Variants in MDFI observed in about 807,000 individuals in gnomAD.
The protein encoded by MDFI is inhibitor of MyoD family a.
Under a neutral mutation model 22.3 loss-of-function variants are expected in MDFI, and 16 were observed. That is an observed-to-expected ratio of 0.72 (90% CI 0.49 to 1.09). The LOEUF (loss-of-function observed/expected upper bound fraction) is 1.09. Ranked by LOEUF, MDFI falls within the 50% of genes least tolerant of loss-of-function variation. The probability of loss-of-function intolerance (pLI) is 0.00; values close to 1 mark genes in which losing one functional copy is unlikely to be tolerated. For missense variants in MDFI, 314 were observed against 326.1 expected, an observed-to-expected ratio of 0.96 and a Z score of 0.29; for synonymous variants, 145 against 142.7, an observed-to-expected ratio of 1.02 and a Z score of -0.12.
In MDFI at chr6:41,653,804, A is replaced by T. The variant is rs1328835663; in HGVS notation, c.*229A>T. 6.7e-6 allele frequency: 4 copies of T among 596,480 alleles called. No individual in the cohort carries two copies. Among genetic ancestry groups the T allele is most frequent in the Non-Finnish European group, 1.2e-5 (4 of 337,950 alleles). 36.9% of individuals were successfully genotyped at this position (596,480 alleles called of 1,614,324 possible). A position where few individuals can be genotyped will look rare whatever the true frequency, so the allele number is the denominator to read the frequency against. ...GTGGGCCCATGGCAGAGAAGCCTGA[A>T]CTCTTTACTGGGTTACCAGGTTCAT... is the stretch of plus-strand genomic sequence containing the variant. On this transcript the variant is annotated 3_prime_UTR_variant, in exon 5 of 5. Coordinates refer to ENST00000230321, the MANE Select transcript of MDFI (RefSeq NM_005586.4). The surrounding 1 kb of genome is among the most constrained non-coding windows in gnomAD (Gnocchi z 4.2).
upstream of MDFI, among the ~76,000 whole-genome samples, chr6:41,637,891 C>CT (rs1767696646): frequency 6.6e-5 from 10 of 152,300 alleles, no homozygotes; most frequent in African/African-American, 2.2e-4. The surrounding 1 kb of genome is among the most constrained non-coding windows in gnomAD (Gnocchi z 6.8). Context: ...GCTGCTGCGG[C>CT]ACAGGGCAGG....
At chr6:41,650,321 C>T (rs886823797) in intron 4 of MDFI, among the ~76,000 whole-genome samples, 3 of 152,196 alleles carry the variant, frequency 2.0e-5, no homozygotes, top group South Asian at 2.1e-4. Context: ...CCCAACCAGC[C>T]GATGTGCCTA....
At chr6:41,651,619 A>G (rs1768274463) in intron 4 of MDFI, among the ~76,000 whole-genome samples, 1 of 152,188 alleles carries the variant, frequency 6.6e-6, no homozygotes, top group African/African-American at 2.4e-5. Flanking sequence ...ACCTCATTAG[A>G]TTTACGTTTG....
At chr6:41,651,929 G>T (rs1482738106) in intron 4 of MDFI, among the ~76,000 whole-genome samples, 1 of 152,182 alleles carries the variant, frequency 6.6e-6, no homozygotes, top group Non-Finnish European at 1.5e-5. Flanking sequence ...TGTGTCTGGC[G>T]CTGTTCTAGG....
At position 41,653,256 on chromosome 6, in the gene MDFI, T is replaced by G; in HGVS notation, c.485-63T>G. 1.3e-6 allele frequency: 2 copies of G among 1,555,474 alleles called. No homozygotes were observed. The highest frequency in any genetic ancestry group is 1.8e-6 in the Non-Finnish European group (2 of 1,141,954). On this transcript the variant is annotated intron_variant, in intron 4 of 4. Transcript: ENST00000230321. The surrounding 1 kb of genome is among the most constrained non-coding windows in gnomAD (Gnocchi z 4.2). ...TGCCGCAGGCCCCCACACCCCCGGC[T>G]ATTTCACACACGCTCATCCCTCCCC...
In MDFI at chr6:41,638,953, C is replaced by A; in HGVS notation, c.76+128C>A. The A allele has an allele frequency of 9.1e-7, 1 of 1,095,796 alleles. No individual in the cohort carries two copies. The highest frequency in any genetic ancestry group is 1.3e-6 in the Non-Finnish European group (1 of 788,178). The allele number at this position is 1,095,796 out of a possible 1,614,324, so 67.9% of individuals were successfully genotyped here. ...CCAGGGAGCTTGGTGGGGGTAGGGACGAAAAGTCTGGGTTTGAGGACTTGG... is the reference window on the plus strand; with the variant it reads ...CCAGGGAGCTTGGTGGGGGTAGGGAAGAAAAGTCTGGGTTTGAGGACTTGG... On this transcript the variant is annotated intron_variant, in intron 2 of 4. Coordinates refer to ENST00000230321, the MANE Select transcript of MDFI (RefSeq NM_005586.4). The surrounding 1 kb of genome is among the most constrained non-coding windows in gnomAD (Gnocchi z 7.6).
At chr6:41,649,920 G>A (rs2281326) in intron 4 of MDFI, 77 bp downstream of exon 4, 458,023 of 1,258,822 alleles carry the variant, frequency 0.36, 86,792 homozygotes, top group Admixed American at 0.59. Context: ...TGGGCCCACT[G>A]GAGCACCTTC....
intron 2 of MDFI, among the ~76,000 whole-genome samples, chr6:41,645,828 T>G (rs7745666): frequency 0.17 from 25,542 of 152,026 alleles, 2,240 homozygotes; most frequent in Middle Eastern, 0.23. Flanking sequence ...GTGTTGTGTT[T>G]CTGCCTCCTC....
At chr6:41,639,165 G>C in intron 2 of MDFI, 2 of 884,756 alleles carry the variant, frequency 2.3e-6, no homozygotes, top group Non-Finnish European at 2.7e-6. Context: ...TTTCTGCCCA[G>C]TGTGTAAATA....
chr6:41,653,667 C>T lies in MDFI; in HGVS notation c.*92C>T, dbSNP rs1768372639. ...CCAGGCCCAGGACTGTCACACAAGG[C>T]TTGAGAAGCCCCCTCTCCCTGGTCC... On this transcript the variant is annotated 3_prime_UTR_variant, in exon 5 of 5. Transcript: ENST00000230321. This position sits in a 1 kb window ranked among gnomAD's most constrained non-coding sequence, Gnocchi z 4.2. The T allele has an allele frequency of 6.7e-7, 1 of 1,501,304 alleles. No individual in the cohort carries two copies. Among genetic ancestry groups the T allele is most frequent in the Non-Finnish European group, 9.0e-7 (1 of 1,109,648 alleles). The allele number at this position is 1,501,304 out of a possible 1,614,324, so 93.0% of individuals were successfully genotyped here. A position where few individuals can be genotyped will look rare whatever the true frequency, so the allele number is the denominator to read the frequency against.
rs1768351061 is a variant in MDFI at position 41,653,310 on chromosome 6, A to G, written c.485-9A>G. The G allele has an allele frequency of 1.9e-6, 3 of 1,589,844 alleles. No homozygotes were observed. Among genetic ancestry groups the G allele is most frequent in the East Asian group, 2.3e-5 (1 of 43,948 alleles). ...CTCACCCGTCCCCCTCTCCACCGCC[A>G]CCCCGCAGACTGCTGTGTCCACTGC... On this transcript the variant is annotated splice_polypyrimidine_tract_variant and intron_variant, in intron 4 of 4. Transcript: ENST00000230321. This position sits in a 1 kb window ranked among gnomAD's most constrained non-coding sequence, Gnocchi z 4.2.
At chr6:41,645,004 T>C (rs914146021) in intron 2 of MDFI, among the ~76,000 whole-genome samples, 1 of 151,938 alleles carries the variant, frequency 6.6e-6, no homozygotes, top group Non-Finnish European at 1.5e-5. Context: ...ACCCTGCCTC[T>C]CCCTGCGCTC....
chr6:41,638,892 G>C lies in MDFI; in HGVS notation c.76+67G>C, dbSNP rs1021786161. 2.4e-5 allele frequency: 35 copies of C among 1,458,846 alleles called. No individual in the cohort carries two copies. The highest frequency in any genetic ancestry group is 3.1e-5 in the Non-Finnish European group (34 of 1,090,398). 90.4% of individuals were successfully genotyped at this position (1,458,846 alleles called of 1,614,324 possible). A position where few individuals can be genotyped will look rare whatever the true frequency, so the allele number is the denominator to read the frequency against. On this transcript the variant is annotated intron_variant, in intron 2 of 4. Coordinates refer to ENST00000230321, the MANE Select transcript of MDFI (RefSeq NM_005586.4). This position sits in a 1 kb window ranked among gnomAD's most constrained non-coding sequence, Gnocchi z 7.6. ...GGGCGGCTGAAGGGGCCAGTTATTA[G>C]TTCTCCTCTCCGTCCCCAGACGCGG...
intron 4 of MDFI, among the ~76,000 whole-genome samples, chr6:41,652,550 A>G (rs72863097): frequency 0.074 from 11,039 of 150,154 alleles, 447 homozygotes; most frequent in South Asian, 0.14. Context: ...GAAGGTGTCC[A>G]GGTGAGAGAT....
rs1213248027 is a variant in MDFI, at chr6:41,649,799, G to T, written c.440G>T (p.Ser147Ile). ...CAGGGCAGCAAGAAGAGTAAGAGCA[G>T]CAGCAAATCCACCACCTCCCAGATC... Reference protein sequence around the residue: ...ASQGSKKSKSSSKSTTSQIPL... With the variant: ...ASQGSKKSKSISKSTTSQIPL... The change falls in exon 4 of 5, where the codon AGC becomes ATC. Residue 147 changes from serine to isoleucine, a missense_variant. Physicochemically the swap from Ser to Ile is moderately radical, Grantham distance 142. Coordinates refer to ENST00000230321, the MANE Select transcript of MDFI (RefSeq NM_005586.4). 4.3e-6 allele frequency: 7 copies of T among 1,613,936 alleles called. No individual in the cohort carries two copies. Among genetic ancestry groups the T allele is most frequent in the Non-Finnish European group, 4.2e-6 (5 of 1,180,008 alleles).
chr6:41,643,578 G>GA (rs1308738369), intron 2 of MDFI, among the ~76,000 whole-genome samples: 167 of 128,654 alleles, frequency 1.3e-3, no homozygotes, highest in Non-Finnish European at 1.8e-3. Flanking sequence ...AGGAAGGAAG[G>GA]AGGGAGGGAG....
At chr6:41,643,213 T>C (rs1487354484) in intron 2 of MDFI, among the ~76,000 whole-genome samples, 2 of 152,152 alleles carry the variant, frequency 1.3e-5, no homozygotes, top group African/African-American at 4.8e-5. Flanking sequence ...TGATTCCTGC[T>C]GCTCTTCTCA....
intron 2 of MDFI, among the ~76,000 whole-genome samples, chr6:41,643,580 G>GGAAGGAAGGAA (rs1561829712): frequency 1.1e-3 from 47 of 43,050 alleles, no homozygotes; most frequent in Admixed American, 2.0e-3. Flanking sequence ...GAAGGAAGGA[G>GGAAGGAAGGAA]GGAGGGAGGG....
chr6:41,652,950 G>A (rs543928586), intron 4 of MDFI, among the ~76,000 whole-genome samples: 2 of 152,306 alleles, frequency 1.3e-5, no homozygotes, highest in South Asian at 4.1e-4. Flanking sequence ...TTCATCTGTA[G>A]AGTGGGGCTA....
Sources: allele counts gnomAD v4.1 joint callset (sites outside exome capture counted in the v4.1 genomes callset), GRCh38; gene constraint gnomAD v4.1.1; non-coding constraint Gnocchi (gnomAD v3.1); transcripts MANE v1.5; gene names NCBI Gene and HGNC (gene_info 2026-07-23, HGNC 2026-07-21).